LRRC40: variants seen among roughly 807,000 people sequenced by gnomAD.
The protein encoded by LRRC40 is leucine-rich repeat-containing protein 40.
Under a neutral mutation model 72.8 loss-of-function variants are expected in LRRC40, and 76 were observed. That is an observed-to-expected ratio of 1.04 (90% CI 0.87 to 1.26). The LOEUF is 1.26. LRRC40 is among the 50% of genes most tolerant of loss of function. The pLI is 0.00. For missense variants in LRRC40, 684 were observed against 698.9 expected (o/e 0.98, Z 0.24); for synonymous variants, 243 against 254.2 (o/e 0.96, Z 0.42).
rs374492811 is a variant in LRRC40 at position 70,205,409 on chromosome 1, C to G, written c.132G>C (p.Ser44=). 61 of 1,595,828 alleles carry G rather than the reference C, an allele frequency of 3.8e-5. No individual in the cohort carries two copies. In the African/African-American group the frequency reaches 7.8e-4, roughly 20 times the overall value. The change falls in exon 1 of 15, where the codon TCG becomes TCC. Residue 44 remains serine (S), a synonymous_variant. Coordinates refer to ENST00000370952, the MANE Select transcript of LRRC40 (RefSeq NM_017768.5). ...TCTTACCTTCACTGAGGTTTCTACC[C>G]GACAGGTTTAACTGGCCGCTCTTCC... The part of the protein sequence containing the change: ...AARKSGQLNL[S]GRNLSEVPQC...
In LRRC40 at chr1:70,189,377, T is replaced by C. The variant is rs143702050; in HGVS notation, c.152-104A>G. 376 of 932,824 alleles carry C rather than the reference T, an allele frequency of 4.0e-4. 4 individuals carry two copies. In the East Asian group the frequency reaches 8.3e-3, roughly 21 times the overall value. The allele number at this position is 932,824 out of a possible 1,614,324, so 57.8% of individuals were successfully genotyped here. On this transcript the variant is annotated intron_variant, in intron 1 of 14. Transcript: ENST00000370952. ...GCTTTTATAATAGCCATTCCATTTA[T>C]CTATTGAAAAACATTTTCTAAAACA... is the stretch of plus-strand genomic sequence containing the variant.
chr1:70,180,988 A>G, intron 5 of LRRC40, 98 bp downstream of exon 5: 1 of 850,364 alleles, frequency 1.2e-6, no homozygotes, highest in Non-Finnish European at 1.7e-6. Flanking sequence ...ATAAAAATCT[A>G]CTACTTTAGT....
intron 1 of LRRC40, among the ~76,000 whole-genome samples, chr1:70,193,316 A>G (rs1348332608): frequency 1.3e-5 from 2 of 152,092 alleles, no homozygotes; most frequent in African/African-American, 2.4e-5. Context: ...TAGATCCCAC[A>G]GATGTTAAAA....
chr1:70,169,947 C>A (rs1287666983), intron 9 of LRRC40, among the ~76,000 whole-genome samples: 2 of 151,930 alleles, frequency 1.3e-5, no homozygotes, highest in African/African-American at 2.4e-5. Context: ...TAGGCTATCA[C>A]CCAAACCAGA....
chr1:70,183,075 C>T (rs2100313349), intron 4 of LRRC40, among the ~76,000 whole-genome samples: 1 of 152,206 alleles, frequency 6.6e-6, no homozygotes, highest in East Asian at 1.9e-4. Context: ...TTACTTATTT[C>T]CCATCTGATC....
intron 4 of LRRC40, among the ~76,000 whole-genome samples, chr1:70,183,227 GA>G (rs1188746488): frequency 9.2e-5 from 14 of 152,124 alleles, no homozygotes; most frequent in African/African-American, 3.1e-4. Flanking sequence ...TTCCTTTAAT[GA>G]AAAGCAAGCT....
rs571450447 is a variant in LRRC40 at position 70,202,354 on chromosome 1, TA to T, written c.151+3035del. Among the ~76,000 whole-genome samples the T allele has an allele frequency of 3.2e-3, 467 of 146,314 alleles. 3 individuals are homozygous for T. Among genetic ancestry groups the T allele is most frequent in the African/African-American group, 0.01 (415 of 39,950 alleles). On this transcript the variant is annotated intron_variant, in intron 1 of 14. Transcript: ENST00000370952. ...CATACAATTGAATATTACTCAGCAA[TA>T]AAAAAAAAAGATTAAGTCATCAAAA...
intron 9 of LRRC40, among the ~76,000 whole-genome samples, chr1:70,165,209 G>A (rs1667856079): frequency 1.3e-5 from 2 of 152,150 alleles, no homozygotes; most frequent in Non-Finnish European, 2.9e-5. Context: ...ATATTTGTAG[G>A]ATATCTGGGA....
chr1:70,187,711 G>GCCCCAT (rs1183212752), intron 2 of LRRC40, among the ~76,000 whole-genome samples: 1 of 151,876 alleles, frequency 6.6e-6, no homozygotes, highest in Non-Finnish European at 1.5e-5. Context: ...CACACCTGTA[G>GCCCCAT]CCCCATCTAC....
At chr1:70,183,529 CCTTT>C (rs1185588817) in intron 4 of LRRC40, among the ~76,000 whole-genome samples, 2 of 151,470 alleles carry the variant, frequency 1.3e-5, no homozygotes, top group Non-Finnish European at 2.9e-5. Context: ...TTTCTTTCTT[CCTTT>C]CTCTCTCTTT....
chr1:70,157,959 C>G (rs1667675360), intron 10 of LRRC40, among the ~76,000 whole-genome samples: 1 of 151,490 alleles, frequency 6.6e-6, no homozygotes, highest in African/African-American at 2.4e-5. Flanking sequence ...AAAAAATTAG[C>G]TGGGCAGGAT....
intron 9 of LRRC40, among the ~76,000 whole-genome samples, chr1:70,169,065 G>A (rs1490603010): frequency 1.3e-5 from 2 of 152,140 alleles, no homozygotes; most frequent in Non-Finnish European, 2.9e-5. Context: ...ACAATGAAAA[G>A]GGGTCCCAGG....
chr1:70,203,879 A>T (rs1370457395), intron 1 of LRRC40, among the ~76,000 whole-genome samples: 1 of 152,080 alleles, frequency 6.6e-6, no homozygotes, highest in Non-Finnish European at 1.5e-5. Flanking sequence ...ACAGAGAAAG[A>T]CTTTCTATAT....
chr1:70,148,437 C>A (rs1476585426), intron 14 of LRRC40, 50 bp downstream of exon 14: 1 of 1,356,838 alleles, frequency 7.4e-7, no homozygotes, highest in Non-Finnish European at 1.0e-6. Flanking sequence ...CAAATCACTT[C>A]AACAAATCAA....
chr1:70,146,661 TAAAC>T (rs2100216172), intron 14 of LRRC40, among the ~76,000 whole-genome samples: 1 of 152,306 alleles, frequency 6.6e-6, no homozygotes, highest in African/African-American at 2.4e-5. Context: ...AAGTAAGATT[TAAAC>T]AAATATCAGC....
At chr1:70,155,368 G>A (rs941201843) in intron 11 of LRRC40, among the ~76,000 whole-genome samples, 3 of 152,082 alleles carry the variant, frequency 2.0e-5, no homozygotes, top group East Asian at 1.9e-4. Flanking sequence ...TTCATTATGT[G>A]AGAGTATATA....
At chr1:70,172,852 G>A (rs1668026792) in intron 9 of LRRC40, among the ~76,000 whole-genome samples, 2 of 151,822 alleles carry the variant, frequency 1.3e-5, no homozygotes, top group Admixed American at 1.3e-4. Flanking sequence ...ATTATGTTTT[G>A]GAGTGGTTTG....
intron 4 of LRRC40, among the ~76,000 whole-genome samples, chr1:70,181,786 A>G (rs1001672843): frequency 6.6e-6 from 1 of 152,030 alleles, no homozygotes; most frequent in Non-Finnish European, 1.5e-5. Flanking sequence ...TCATTCACTC[A>G]AGATTGCTTA....
intron 6 of LRRC40, among the ~76,000 whole-genome samples, chr1:70,178,222 T>C (rs992595849): frequency 2.6e-5 from 4 of 152,190 alleles, no homozygotes; most frequent in Non-Finnish European, 5.9e-5. Flanking sequence ...AATCAGTTTG[T>C]TACCTAACAT....
Sources: allele counts gnomAD v4.1 joint callset (sites outside exome capture counted in the v4.1 genomes callset), GRCh38; gene constraint gnomAD v4.1.1; transcripts MANE v1.5; gene names NCBI Gene and HGNC (gene_info 2026-07-23, HGNC 2026-07-21).